Variants in TBC1D22A observed in about 807,000 individuals in gnomAD.
TBC1D22A encodes TBC1 domain family member 22A.
In TBC1D22A, 38 loss-of-function variants were observed where a neutral mutation model predicts 60.2. That is an observed-to-expected ratio of 0.63 (90% CI 0.49 to 0.83). TBC1D22A has a LOEUF of 0.83. Among genes scored for constraint, TBC1D22A ranks in the 40% least tolerant of loss-of-function variants. The pLI, the probability that TBC1D22A is intolerant of heterozygous loss-of-function variation, is 0.00. For synonymous variants in TBC1D22A, 302 were observed against 281.7 expected (o/e 1.07, Z -0.72); for missense variants, 628 against 701.0 (o/e 0.90, Z 1.18).
At chr22:47,065,647 G>T (rs1206388731) in intron 11 of TBC1D22A, among the ~76,000 whole-genome samples, 1 of 152,284 alleles carries the variant, frequency 6.6e-6, no homozygotes, top group African/African-American at 2.4e-5. Context: ...TTGGGACTGG[G>T]TTGGATTGAG....
At chr22:47,106,892 C>T (rs2065656254) in intron 11 of TBC1D22A, among the ~76,000 whole-genome samples, 1 of 152,092 alleles carries the variant, frequency 6.6e-6, no homozygotes, top group Admixed American at 6.6e-5. Context: ...GAGATCATGC[C>T]CCTGCACTCC....
chr22:46,826,057 T>C (rs2086047135), intron 4 of TBC1D22A, among the ~76,000 whole-genome samples: 1 of 152,114 alleles, frequency 6.6e-6, no homozygotes, highest in Admixed American at 6.6e-5. Context: ...TAATTTTTTG[T>C]ATTTTTAGTG....
At chr22:46,996,442 G>C (rs1450212847) in intron 9 of TBC1D22A, among the ~76,000 whole-genome samples, 4 of 152,222 alleles carry the variant, frequency 2.6e-5, no homozygotes, top group Non-Finnish European at 5.9e-5. Flanking sequence ...CCGTTGTTTC[G>C]CTGCCTCCCG....
chr22:47,087,325 T>C (rs1603253007), intron 11 of TBC1D22A, among the ~76,000 whole-genome samples: 1 of 152,268 alleles, frequency 6.6e-6, no homozygotes, highest in East Asian at 1.9e-4. Context: ...CCTTGTTTTA[T>C]AGTTTTTTAC....
intron 10 of TBC1D22A, among the ~76,000 whole-genome samples, chr22:47,006,910 G>A (rs2061611174): frequency 6.6e-6 from 1 of 152,190 alleles, no homozygotes; most frequent in East Asian, 1.9e-4. Context: ...GCTGGGTTGA[G>A]CCAAGGGTGA....
At chr22:47,123,931 T>G (rs574367217) in intron 12 of TBC1D22A, among the ~76,000 whole-genome samples, 5 of 152,300 alleles carry the variant, frequency 3.3e-5, no homozygotes, top group African/African-American at 1.2e-4. Flanking sequence ...ATTAGCTCTT[T>G]GGACCATTCT....
At position 46,997,516 on chromosome 22, in the gene TBC1D22A, C is replaced by CT. The variant is rs1303311025; in HGVS notation, c.1126-117dup. On this transcript the variant is annotated intron_variant, in intron 9 of 12. Transcript: ENST00000337137. ...TTGTGTGTTTCTCGAGATAAAATCT[C>CT]TGTTTGTGAATTCGTCCTATTATAA... 4 of 744,808 alleles carry CT rather than the reference C, an allele frequency of 5.4e-6. No individual in the cohort carries two copies. The Admixed American group carries it at 6.8e-5, about 13-fold the overall frequency. The allele number at this position is 744,808 out of a possible 1,614,324, so 46.1% of individuals were successfully genotyped here.
At chr22:47,161,529 C>G (rs1053625519) in intron 12 of TBC1D22A, among the ~76,000 whole-genome samples, 1 of 152,232 alleles carries the variant, frequency 6.6e-6, no homozygotes, top group African/African-American at 2.4e-5. Flanking sequence ...CTTTTTTTCC[C>G]TCTCACCTGT....
chr22:46,938,265 G>C (rs974614050), intron 8 of TBC1D22A, among the ~76,000 whole-genome samples: 103 of 152,194 alleles, frequency 6.8e-4, no homozygotes, highest in African/African-American at 2.1e-3. Context: ...GATATGTTTC[G>C]ATACACAAAA....
At chr22:47,091,566 G>A (rs2064977322) in intron 11 of TBC1D22A, among the ~76,000 whole-genome samples, 1 of 149,850 alleles carries the variant, frequency 6.7e-6, no homozygotes, top group South Asian at 2.1e-4. Flanking sequence ...TTGCGGAGGG[G>A]GTGGCTGCGT....
chr22:46,788,836 C>T (rs191729033), intron 1 of TBC1D22A: 2 of 152,292 alleles, frequency 1.3e-5, no homozygotes, highest in African/African-American at 2.4e-5. Flanking sequence ...ATAACAAACC[C>T]TTCAAGGGGC....
At chr22:47,098,078 AG>A (rs1300295265) in intron 11 of TBC1D22A, among the ~76,000 whole-genome samples, 1 of 152,146 alleles carries the variant, frequency 6.6e-6, no homozygotes, top group African/African-American at 2.4e-5. Context: ...AAAAAGAAAA[AG>A]AAAAAAAATC....
At chr22:47,123,580 C>T (rs2295246) in intron 12 of TBC1D22A, among the ~76,000 whole-genome samples, 57,133 of 152,036 alleles carry the variant, frequency 0.38, 11,047 homozygotes, top group South Asian at 0.53. Context: ...GGCAGTGGGC[C>T]ATGTCTCTGT....
intron 4 of TBC1D22A, among the ~76,000 whole-genome samples, chr22:46,810,062 G>A (rs1009341390): frequency 1.3e-5 from 2 of 152,184 alleles, no homozygotes; most frequent in Non-Finnish European, 2.9e-5. Context: ...TTGTTTGAGA[G>A]TATTCAAAAT....
chr22:47,032,017 C>A (rs2062491056), intron 10 of TBC1D22A, among the ~76,000 whole-genome samples: 1 of 152,214 alleles, frequency 6.6e-6, no homozygotes, highest in Non-Finnish European at 1.5e-5. Context: ...CTGTTTCTTG[C>A]CAGTTTGTGT....
chr22:47,158,577 C>T (rs2067815155), intron 12 of TBC1D22A, among the ~76,000 whole-genome samples: 2 of 152,148 alleles, frequency 1.3e-5, no homozygotes, highest in South Asian at 4.1e-4. Flanking sequence ...TGTGCCCGCC[C>T]TCCCAGTCCT....
Position 46,956,494 on chromosome 22 carries a change from G to A in TBC1D22A, c.1016-17796G>A, listed in dbSNP as rs138916036. 6.5e-3 allele frequency among the ~76,000 whole-genome samples: 988 copies of A among 152,302 alleles called. 7 individuals carry two copies. The highest frequency in any genetic ancestry group is 0.016 in the South Asian group (79 of 4,826). On this transcript the variant is annotated intron_variant, in intron 8 of 12. Coordinates refer to ENST00000337137, the MANE Select transcript of TBC1D22A (RefSeq NM_014346.5). ...TTACTTACAAGTATCATGTAATAAA[G>A]CATTATTGGGAGGTTTCCTTCTTTG... is the stretch of plus-strand genomic sequence containing the variant.
At chr22:46,930,497 C>T (rs2071293897) in intron 8 of TBC1D22A, among the ~76,000 whole-genome samples, 1 of 152,074 alleles carries the variant, frequency 6.6e-6, no homozygotes, top group African/African-American at 2.4e-5. Flanking sequence ...GCTCTGTCAC[C>T]CAGGCTGGAG....
At chr22:47,152,543 C>A (rs1046448979) in intron 12 of TBC1D22A, among the ~76,000 whole-genome samples, 1 of 152,222 alleles carries the variant, frequency 6.6e-6, no homozygotes, top group Admixed American at 6.5e-5. Flanking sequence ...CACAACCCCC[C>A]ACGTAGCTGG....
Sources: allele counts gnomAD v4.1 joint callset (sites outside exome capture counted in the v4.1 genomes callset), GRCh38; gene constraint gnomAD v4.1.1; transcripts MANE v1.5; gene names NCBI Gene and HGNC (gene_info 2026-07-23, HGNC 2026-07-21).